Variants in DPP6 observed in about 807,000 individuals in gnomAD.
DPP6 encodes the protein dipeptidyl peptidase like 6, also known as A-type potassium channel modulatory protein DPP6.
Under a neutral mutation model 122.6 loss-of-function variants are expected in DPP6, and 69 were observed. The ratio of observed to expected loss-of-function variants is 0.56; its 90% confidence interval spans 0.46 to 0.69. The LOEUF is 0.69. Ranked by LOEUF, DPP6 falls within the 30% of genes least tolerant of loss-of-function variation. The probability of loss-of-function intolerance (pLI) is 0.00; values close to 1 mark genes in which losing one functional copy is unlikely to be tolerated. For missense variants in DPP6, 928 were observed against 1,116.9 expected (o/e 0.83, Z 2.41); for synonymous variants, 418 against 433.1 (o/e 0.97, Z 0.43).
At chr7:154,652,887 T>C (rs1447410542) in intron 6 of DPP6, among the ~76,000 whole-genome samples, 2 of 152,048 alleles carry the variant, frequency 1.3e-5, no homozygotes, top group Non-Finnish European at 2.9e-5. Context: ...GTAAAAAACA[T>C]GGGAAAGAGG....
At chr7:154,216,830 G>A (rs1800026468) in intron 1 of DPP6, among the ~76,000 whole-genome samples, 1 of 63,674 alleles carries the variant, frequency 1.6e-5, no homozygotes, top group Admixed American at 2.1e-4. Flanking sequence ...TTGTGTTACT[G>A]TTGTTTTTTT....
intron 2 of DPP6, among the ~76,000 whole-genome samples, chr7:154,469,209 A>G (rs1822049456): frequency 6.6e-6 from 1 of 152,198 alleles, no homozygotes; most frequent in East Asian, 1.9e-4. Context: ...TAAAACACAC[A>G]CACACACATT....
intron 5 of DPP6, among the ~76,000 whole-genome samples, chr7:154,623,651 A>ACGCACCCACG (rs55655116): frequency 1.1e-4 from 16 of 144,672 alleles, no homozygotes; most frequent in East Asian, 2.0e-4. Context: ...ACGCGCACAC[A>ACGCACCCACG]CGCGCACACA....
At chr7:154,315,019 T>G (rs1180762827) in intron 1 of DPP6, among the ~76,000 whole-genome samples, 2 of 152,178 alleles carry the variant, frequency 1.3e-5, no homozygotes, top group African/African-American at 4.8e-5. Flanking sequence ...GCTGGATGCA[T>G]GAGGTTGTTC....
chr7:154,170,407 A>G (rs1019029579), intron 1 of DPP6, among the ~76,000 whole-genome samples: 2 of 152,132 alleles, frequency 1.3e-5, no homozygotes, highest in Non-Finnish European at 2.9e-5. Context: ...GATGATTGAC[A>G]CTGTGACTTG....
At chr7:153,829,591 C>A in the DPP6 span, among the ~76,000 whole-genome samples, 4 of 152,134 alleles carry the variant, frequency 2.6e-5, no homozygotes, top group African/African-American at 4.8e-5. Context: ...TTCTACTGTG[C>A]CTTCATTCCA....
chr7:153,755,582 A>G, the DPP6 span, among the ~76,000 whole-genome samples: 1 of 151,652 alleles, frequency 6.6e-6, no homozygotes, highest in African/African-American at 2.4e-5. Context: ...CTCCTTTTCT[A>G]TTCTTTCCTG....
At chr7:153,944,438 G>A (rs1801843023) in intron 1 of DPP6, among the ~76,000 whole-genome samples, 1 of 152,160 alleles carries the variant, frequency 6.6e-6, no homozygotes, top group Admixed American at 6.5e-5. Flanking sequence ...GGAGGGATGG[G>A]AAGGCAGCGA....
chr7:154,330,676 G>A (rs945584335), intron 1 of DPP6, among the ~76,000 whole-genome samples: 1 of 152,184 alleles, frequency 6.6e-6, no homozygotes, highest in Non-Finnish European at 1.5e-5. Context: ...AGAGGCAACC[G>A]TGTACTTCTG....
intron 5 of DPP6, among the ~76,000 whole-genome samples, chr7:154,575,676 G>T (rs1001961966): frequency 2.8e-5 from 4 of 141,108 alleles, no homozygotes; most frequent in Admixed American, 2.1e-4. Context: ...TATGTGTGTG[G>T]TGTGTGTGGT....
chr7:154,529,908 T>C (rs1388116366), intron 3 of DPP6, among the ~76,000 whole-genome samples: 1 of 152,152 alleles, frequency 6.6e-6, no homozygotes, highest in Admixed American at 6.6e-5. Flanking sequence ...GGTGGATCAC[T>C]TGAGATCAGG....
intron 1 of DPP6, among the ~76,000 whole-genome samples, chr7:154,371,693 G>A (rs900391274): frequency 7.2e-5 from 11 of 152,132 alleles, no homozygotes; most frequent in African/African-American, 2.7e-4. Flanking sequence ...TCTGAGTCCA[G>A]GCACAGCAGG....
At chr7:154,619,263 A>G (rs1834477510) in intron 5 of DPP6, among the ~76,000 whole-genome samples, 2 of 152,172 alleles carry the variant, frequency 1.3e-5, no homozygotes. Context: ...TCATGACTCC[A>G]AAGGGTACCA....
chr7:154,060,327 G>C (rs1330916411), intron 1 of DPP6, among the ~76,000 whole-genome samples: 4 of 124,988 alleles, frequency 3.2e-5, no homozygotes, highest in African/African-American at 9.4e-5. Flanking sequence ...CCCCATCGCA[G>C]GAGGGGGAGG....
At chr7:154,304,426 G>C (rs1806118677) in intron 1 of DPP6, among the ~76,000 whole-genome samples, 1 of 152,214 alleles carries the variant, frequency 6.6e-6, no homozygotes, top group East Asian at 1.9e-4. Context: ...ACCTGGGTCA[G>C]GACACGACAG....
At chr7:154,720,889 A>T (rs1841768706) in intron 7 of DPP6, among the ~76,000 whole-genome samples, 1 of 152,368 alleles carries the variant, frequency 6.6e-6, no homozygotes, top group South Asian at 2.1e-4. Context: ...GCAGCTGACG[A>T]CAAAACTCCC....
rs1298273309 is a variant in DPP6, at chr7:154,804,977, C to T, written c.1547+13C>T. On this transcript the variant is annotated intron_variant, in intron 15 of 25. Transcript: ENST00000377770. ...GACAACTCTACAGGTAACTCCTGCTCCCCCTGCACACAGGGCTCTCCCCCT... is the reference window on the plus strand; with the variant it reads ...GACAACTCTACAGGTAACTCCTGCTTCCCCTGCACACAGGGCTCTCCCCCT... 2 of 1,591,674 alleles carry T rather than the reference C, an allele frequency of 1.3e-6. No individual in the cohort carries two copies. Among genetic ancestry groups the T allele is most frequent in the African/African-American group, 2.7e-5 (2 of 74,508 alleles).
intron 1 of DPP6, among the ~76,000 whole-genome samples, chr7:154,366,640 A>G (rs190441507): frequency 2.7e-4 from 41 of 152,346 alleles, no homozygotes; most frequent in Admixed American, 2.3e-3. Context: ...CAACCATGGT[A>G]GGCACCGCTG....
At chr7:154,806,283 C>T (rs1798691772) in intron 15 of DPP6, among the ~76,000 whole-genome samples, 1 of 152,210 alleles carries the variant, frequency 6.6e-6, no homozygotes, top group African/African-American at 2.4e-5. Flanking sequence ...GGGGACCCTC[C>T]TGCGGCAAAA....
Sources: gnomAD v4.1 joint callset for allele counts (sites outside exome capture counted in the v4.1 genomes callset) on GRCh38, gnomAD v4.1.1 for gene constraint, MANE v1.5 for transcripts, NCBI Gene and HGNC (gene_info 2026-07-23, HGNC 2026-07-21) for gene names.